The following CSN3 variants were observed in gnomAD, a reference collection of about 807,000 sequenced individuals.
CSN3 encodes kappa-casein.
A neutral mutation model predicts 9.9 loss-of-function variants in CSN3; 7 were observed. The ratio of observed to expected loss-of-function variants is 0.71; its 90% CI spans 0.40 to 1.33. CSN3 has a LOEUF of 1.33. CSN3 is among the 40% of genes most tolerant of loss of function. CSN3 has a pLI of 0.01. For synonymous variants in CSN3, 88 were observed against 82.3 expected, an observed-to-expected ratio of 1.07 and a Z score of -0.37; for missense variants, 253 against 227.9, an observed-to-expected ratio of 1.11 and a Z score of -0.71.
upstream of CSN3, among the ~76,000 whole-genome samples, chr4:70,240,321 A>G (rs961045863): frequency 3.9e-5 from 6 of 151,990 alleles, no homozygotes; most frequent in Non-Finnish European, 7.4e-5. Flanking sequence ...GAATGGTGGT[A>G]TGAATATACA....
intron 2 of CSN3, among the ~76,000 whole-genome samples, chr4:70,246,805 G>T (rs918927103): frequency 6.6e-6 from 1 of 151,250 alleles, no homozygotes; most frequent in Non-Finnish European, 1.5e-5. Flanking sequence ...CCAAGTAGCT[G>T]GGACTACAAG....
chr4:70,248,518 G>T (rs1401814910), intron 3 of CSN3, among the ~76,000 whole-genome samples: 3 of 152,042 alleles, frequency 2.0e-5, no homozygotes, highest in African/African-American at 7.2e-5. Flanking sequence ...AAATAAATGT[G>T]CTCTTGGGCT....
upstream of CSN3, among the ~76,000 whole-genome samples, chr4:70,238,656 G>A (rs1044503392): frequency 2.0e-5 from 3 of 151,872 alleles, no homozygotes; most frequent in Admixed American, 1.3e-4. Flanking sequence ...ACCAAAAACA[G>A]AAATATTAGG....
chr4:70,246,671 CTTTTTT>C (rs11293109), intron 2 of CSN3, among the ~76,000 whole-genome samples: 1 of 125,470 alleles, frequency 8.0e-6, no homozygotes, highest in African/African-American at 3.0e-5. Flanking sequence ...CATATTACTT[CTTTTTT>C]TTTTTTTTTT....
rs1730434735 is a variant in CSN3 at position 70,249,152 on chromosome 4, AT to A, written c.243del (p.Tyr81Ter). The A allele has an allele frequency of 6.2e-7, 1 of 1,613,972 alleles. No homozygotes were observed. The highest frequency in any genetic ancestry group is 1.7e-5 in the Admixed American group (1 of 59,988). On this transcript the variant is annotated frameshift_variant, in exon 4 of 5. Coordinates refer to ENST00000304954, the Ensembl canonical transcript of CSN3. LOFTEE classifies it low-confidence loss of function (END_TRUNC). ...AATCCATATGTGCCTCGCACATATT[AT>A]GCAAACCCAGCTGTAGTTAGGCCAC... is the stretch of plus-strand genomic sequence containing the variant.
rs746465509 is a variant in CSN3, at chr4:70,249,318, C to T, written c.408C>T (p.Thr136=). ...AAATAATCATCCCTACCATCAATAC[C>T]ATTGCTACTGTTGAACCTACACCAG... The change falls in exon 4 of 5, where the codon ACC becomes ACT. Residue 136 remains threonine (T), a synonymous_variant. Transcript: ENST00000304954. 4.3e-6 allele frequency: 7 copies of T among 1,613,864 alleles called. No homozygotes were observed. In the East Asian group the frequency reaches 1.6e-4, roughly 36 times the overall value.
At chr4:70,250,542 G>A (rs1469437383) in intron 4 of CSN3, among the ~76,000 whole-genome samples, 1 of 152,222 alleles carries the variant, frequency 6.6e-6, no homozygotes, top group South Asian at 2.1e-4. Context: ...AAAATGTCAT[G>A]TATTGGAAAA....
upstream of CSN3, among the ~76,000 whole-genome samples, chr4:70,239,069 C>T (rs968359485): frequency 4.6e-5 from 7 of 151,648 alleles, no homozygotes; most frequent in African/African-American, 1.7e-4. Flanking sequence ...GAATTGAGTA[C>T]ATTAACTAGA....
At chr4:70,246,659 T>C (rs986365025) in intron 2 of CSN3, among the ~76,000 whole-genome samples, 3 of 147,014 alleles carry the variant, frequency 2.0e-5, no homozygotes, top group African/African-American at 7.5e-5. Context: ...TTCTACAATA[T>C]TCATATTACT....
At chr4:70,249,052 A>G (rs1730431730) in exon 4 of CSN3, 6 of 1,613,534 alleles carry the variant, frequency 3.7e-6, no homozygotes, top group Non-Finnish European at 5.1e-6. Context: ...ATATGTCCCA[A>G]TGTATTATGT....
At chr4:70,238,810 C>G (rs148525298), upstream of CSN3, among the ~76,000 whole-genome samples, 236 of 151,626 alleles carry the variant, frequency 1.6e-3, no homozygotes, top group African/African-American at 5.4e-3. Context: ...AAAAGATGAC[C>G]TATAGGAGTC....
intron 2 of CSN3, among the ~76,000 whole-genome samples, chr4:70,245,173 T>C (rs1336963639): frequency 1.3e-5 from 2 of 152,016 alleles, no homozygotes; most frequent in Non-Finnish European, 2.9e-5. Context: ...ACTGAAAACA[T>C]TTTAAAATTG....
rs376028767 is a variant in CSN3, at chr4:70,243,449, G to A, written c.-9+784G>A. Among the ~76,000 whole-genome samples, 65 of 152,124 alleles carry A rather than the reference G, an allele frequency of 4.3e-4. 2 individuals are homozygous for A. In the South Asian group the frequency reaches 0.013, roughly 31 times the overall value. On this transcript the variant is annotated intron_variant, in intron 1 of 4. Transcript: ENST00000304954. ...TGATTCCAAATGAGTTCCATCGAAT[G>A]GAAATTTGATGACATCGTATGGGCA...
At chr4:70,248,642 A>T (rs4694275) in intron 3 of CSN3, among the ~76,000 whole-genome samples, 16,635 of 152,088 alleles carry the variant, frequency 0.11, 1,066 homozygotes, top group Admixed American at 0.18. Flanking sequence ...TAACATGTCA[A>T]AGTTCTCAAT....
intron 3 of CSN3, among the ~76,000 whole-genome samples, chr4:70,248,690 T>C (rs1305257040): frequency 6.6e-6 from 1 of 152,088 alleles, no homozygotes; most frequent in Non-Finnish European, 1.5e-5. Flanking sequence ...ATAGCTAACA[T>C]ATAAGATCAC....
At chr4:70,241,254 C>G (rs926423324), upstream of CSN3, among the ~76,000 whole-genome samples, 1 of 151,864 alleles carries the variant, frequency 6.6e-6, no homozygotes, top group Non-Finnish European at 1.5e-5. Flanking sequence ...ATTACTTTAC[C>G]AACTTGGTTT....
rs756090036 is a variant in CSN3, at chr4:70,248,988, T to G, written c.88-10T>G. The stretch of plus-strand genomic sequence containing the variant: ...ATAATAATATTCTGTATAATTTATT[T>G]TTTTTGCAGTGCCATGAGAATGATG... On this transcript the variant is annotated splice_polypyrimidine_tract_variant and intron_variant, in intron 3 of 4. Transcript: ENST00000304954. 89 of 1,544,088 alleles carry G rather than the reference T, an allele frequency of 5.8e-5. No homozygotes were observed. Among genetic ancestry groups the G allele is most frequent in the Middle Eastern group, 3.6e-4 (2 of 5,582 alleles).
upstream of CSN3, among the ~76,000 whole-genome samples, chr4:70,240,829 T>C (rs1269182515): frequency 2.0e-5 from 3 of 151,956 alleles, no homozygotes; most frequent in Non-Finnish European, 4.4e-5. Context: ...CAAAGAATAA[T>C]GTCCAGGACC....
At chr4:70,246,693 A>G (rs971818579) in intron 2 of CSN3, among the ~76,000 whole-genome samples, 6 of 120,136 alleles carry the variant, frequency 5.0e-5, no homozygotes, top group African/African-American at 8.4e-5. Flanking sequence ...TTTTTTTGAG[A>G]CAGAGTCTCG....
Sources: allele counts gnomAD v4.1 joint callset (sites outside exome capture counted in the v4.1 genomes callset), GRCh38; gene constraint gnomAD v4.1.1; transcripts MANE v1.5; gene names NCBI Gene and HGNC (gene_info 2026-07-23, HGNC 2026-07-21).